Variants in GABRB1 observed in about 807,000 individuals in gnomAD.
GABRB1 encodes gamma-aminobutyric acid type A receptor subunit beta1, also known as gamma-aminobutyric acid receptor subunit beta-1.
In GABRB1, 17 loss-of-function variants were observed where a neutral mutation model predicts 51.6. The observed-to-expected ratio is 0.33, with a 90% CI of 0.23 to 0.49. The LOEUF (loss-of-function observed/expected upper bound fraction) is 0.49. Among genes scored for constraint, GABRB1 ranks in the 20% least tolerant of loss-of-function variants. The probability of loss-of-function intolerance (pLI) is 0.99; values close to 1 mark genes in which losing one functional copy is unlikely to be tolerated. For synonymous variants in GABRB1, 247 were observed against 218.9 expected (o/e 1.13, Z -1.14); for missense variants, 410 against 600.6 (o/e 0.68, Z 3.32).
chr4:47,195,394 T>TGATGATAGATA (rs767360117), intron 4 of GABRB1, among the ~76,000 whole-genome samples: 1 of 92,154 alleles, frequency 1.1e-5, no homozygotes, highest in Non-Finnish European at 2.4e-5. Flanking sequence ...GATAGATAGA[T>TGATGATAGATA]GATAGATAGA....
At chr4:47,176,189 T>C (rs1220771268) in intron 4 of GABRB1, among the ~76,000 whole-genome samples, 2 of 152,078 alleles carry the variant, frequency 1.3e-5, no homozygotes, top group African/African-American at 2.4e-5. Context: ...AGGTGGTGTA[T>C]TATGAACGAG....
In GABRB1 at chr4:47,272,816, A is replaced by G. The variant is rs1481301378; in HGVS notation, c.462-47311A>G. 2.0e-5 allele frequency among the ~76,000 whole-genome samples: 3 copies of G among 152,182 alleles called. No homozygotes were observed. In the East Asian group the frequency reaches 5.8e-4, roughly 29 times the overall value. ...GTTTCCAGATTTTGCTGTTATAAAT[A>G]GTGCTATAATGAATATCTCTGTATA... is the stretch of plus-strand genomic sequence containing the variant. On this transcript the variant is annotated intron_variant, in intron 4 of 8. Transcript: ENST00000295454.
chr4:47,131,389 C>A (rs372357074), intron 3 of GABRB1, among the ~76,000 whole-genome samples: 50 of 152,288 alleles, frequency 3.3e-4, no homozygotes, highest in African/African-American at 1.1e-3. Context: ...AACTCCTGAC[C>A]TCAGATGATC....
At chr4:47,198,562 T>A (rs1719779869) in intron 4 of GABRB1, among the ~76,000 whole-genome samples, 1 of 152,144 alleles carries the variant, frequency 6.6e-6, no homozygotes, top group South Asian at 2.1e-4. Context: ...GAAATATGGA[T>A]GTTAAAAGTG....
chr4:47,083,221 G>GAA (rs1294299643), intron 3 of GABRB1, among the ~76,000 whole-genome samples: 2 of 152,078 alleles, frequency 1.3e-5, no homozygotes, highest in Non-Finnish European at 2.9e-5. Context: ...ATGATGACTT[G>GAA]AAACTCAAGC....
chr4:47,015,591 A>G (rs1252270289), intron 1 of GABRB1, among the ~76,000 whole-genome samples: 2 of 152,210 alleles, frequency 1.3e-5, no homozygotes, highest in Non-Finnish European at 2.9e-5. Flanking sequence ...AGCTCAGCAT[A>G]AAGGCTTCCT....
intron 3 of GABRB1, 32 bp from the exon 4 acceptor site, chr4:47,161,217 C>CT (rs77889271): frequency 0.028 from 31,500 of 1,107,608 alleles, 9 homozygotes; most frequent in Non-Finnish European, 0.032. Flanking sequence ...TAGTAAAATT[C>CT]TTTTTTTTTT....
chr4:47,367,193 A>G (rs1247250199), intron 5 of GABRB1, among the ~76,000 whole-genome samples: 2 of 152,156 alleles, frequency 1.3e-5, no homozygotes, highest in East Asian at 3.9e-4. Flanking sequence ...TCCACCACTC[A>G]CAGCTCATTC....
Position 47,337,442 on chromosome 4 carries a change from T to C in GABRB1, c.544+17233T>C, listed in dbSNP as rs1725738351. On this transcript the variant is annotated intron_variant, in intron 5 of 8. Coordinates refer to ENST00000295454, the MANE Select transcript of GABRB1 (RefSeq NM_000812.4). ...TGGGGATTTTACTTTTGATGGACTGTGTGCCTCAGTGGGCATAAAGGAGGG... is the reference window on the plus strand; with the variant it reads ...TGGGGATTTTACTTTTGATGGACTGCGTGCCTCAGTGGGCATAAAGGAGGG... 3.9e-5 allele frequency among the ~76,000 whole-genome samples: 6 copies of C among 152,144 alleles called. No individual in the cohort carries two copies. The South Asian group carries it at 1.2e-3, about 32-fold the overall frequency.
At chr4:46,994,416 TA>T (rs1723905071) in intron 1 of GABRB1, 1 of 130,772 alleles carries the variant, frequency 7.6e-6, no homozygotes, top group Non-Finnish European at 1.6e-5. Context: ...CTGCTTTAGG[TA>T]GGGGGAAAGG....
chr4:47,159,862 C>T (rs1482396785), intron 3 of GABRB1, among the ~76,000 whole-genome samples: 2 of 152,044 alleles, frequency 1.3e-5, no homozygotes, highest in Non-Finnish European at 2.9e-5. Flanking sequence ...TACAGGAACA[C>T]TGTGCAGGAG....
chr4:47,288,326 G>A (rs548652022), intron 4 of GABRB1, among the ~76,000 whole-genome samples: 10 of 151,804 alleles, frequency 6.6e-5, no homozygotes, highest in Admixed American at 2.6e-4. Flanking sequence ...GCAGTGGCGC[G>A]ATCTCGGCTC....
chr4:47,002,567 A>C (rs1724261156), intron 1 of GABRB1, among the ~76,000 whole-genome samples: 1 of 152,212 alleles, frequency 6.6e-6, no homozygotes, highest in Admixed American at 6.5e-5. Flanking sequence ...ACAATAGCAG[A>C]AATGTATGTG....
At chr4:47,378,517 G>A (rs974628564) in intron 5 of GABRB1, among the ~76,000 whole-genome samples, 5 of 152,218 alleles carry the variant, frequency 3.3e-5, no homozygotes, top group South Asian at 4.1e-4. Context: ...GCAGCGGTGG[G>A]CTGAAGGGCT....
intron 4 of GABRB1, among the ~76,000 whole-genome samples, chr4:47,210,470 A>G (rs1006038524): frequency 1.2e-4 from 19 of 152,116 alleles, no homozygotes; most frequent in African/African-American, 3.6e-4. Context: ...TTTGATTCTG[A>G]AGTCTGGCTG....
At chr4:47,002,672 T>C (rs1413138135) in intron 1 of GABRB1, among the ~76,000 whole-genome samples, 2 of 152,166 alleles carry the variant, frequency 1.3e-5, no homozygotes, top group African/African-American at 2.4e-5. Flanking sequence ...AGATATATAC[T>C]AGCCTGCCAT....
intron 4 of GABRB1, among the ~76,000 whole-genome samples, chr4:47,313,734 A>C (rs1327050278): frequency 1.3e-5 from 2 of 152,110 alleles, no homozygotes; most frequent in East Asian, 3.8e-4. Flanking sequence ...ACTGTATTAC[A>C]CAGATTTCTA....
At chr4:47,082,014 C>T (rs757627823) in intron 3 of GABRB1, among the ~76,000 whole-genome samples, 1 of 151,884 alleles carries the variant, frequency 6.6e-6, no homozygotes, top group Admixed American at 6.6e-5. Context: ...TATTAAGTAG[C>T]TGTAAATAAC....
chr4:47,080,673 A>G (rs1211155948), intron 3 of GABRB1, among the ~76,000 whole-genome samples: 1 of 152,122 alleles, frequency 6.6e-6, no homozygotes, highest in Non-Finnish European at 1.5e-5. Context: ...TGCTTTACAA[A>G]CCTGCTGAGT....
Sources: gnomAD v4.1 joint callset for allele counts (sites outside exome capture counted in the v4.1 genomes callset) on GRCh38, gnomAD v4.1.1 for gene constraint, MANE v1.5 for transcripts, NCBI Gene and HGNC (gene_info 2026-07-23, HGNC 2026-07-21) for gene names.